The following ANXA5 variants were observed in gnomAD, a reference collection of about 807,000 sequenced individuals.
ANXA5 encodes annexin A5.
ANXA5 carries 40 observed loss-of-function variants against 48.1 expected under a neutral mutation model. The ratio of observed to expected loss-of-function variants is 0.83; its 90% CI spans 0.65 to 1.08. The LOEUF is 1.08. ANXA5 is among the 50% of genes least tolerant of loss of function. The pLI is 0.00. For missense variants in ANXA5, 357 were observed against 376.8 expected, an observed-to-expected ratio of 0.95 and a Z score of 0.44; for synonymous variants, 113 against 129.1, an observed-to-expected ratio of 0.88 and a Z score of 0.85.
chr4:121,677,333 T>C (rs1219161972), intron 8 of ANXA5, among the ~76,000 whole-genome samples: 1 of 152,196 alleles, frequency 6.6e-6, no homozygotes, highest in Non-Finnish European at 1.5e-5. Context: ...TAATAACTGT[T>C]TTATTAACCA....
chr4:121,686,276 A>C lies in ANXA5; in HGVS notation c.94+12T>G, dbSNP rs1287608529. 6.2e-7 allele frequency: 1 copy of C among 1,601,194 alleles called. No homozygotes were observed. The highest frequency in any genetic ancestry group is 1.7e-5 in the Admixed American group (1 of 59,654). On this transcript the variant is annotated intron_variant, in intron 3 of 12. Transcript: ENST00000296511. ...TATCACATTTGCTTTAGAAAGAGGA[A>C]GCTAAATTTACCCAAGCCTTTCATA... is the stretch of plus-strand genomic sequence containing the variant.
chr4:121,693,991 G>C (rs905586197), intron 2 of ANXA5, among the ~76,000 whole-genome samples: 1 of 149,972 alleles, frequency 6.7e-6, no homozygotes, highest in Non-Finnish European at 1.5e-5. Flanking sequence ...AAATATTTCT[G>C]ATCAAACCTT....
chr4:121,670,635 A>C (rs1384519022), intron 10 of ANXA5, among the ~76,000 whole-genome samples: 1 of 152,146 alleles, frequency 6.6e-6, no homozygotes, highest in East Asian at 1.9e-4. Context: ...TCTATCATGA[A>C]AATTCCTTAA....
intron 6 of ANXA5, 33 bp downstream of exon 6, chr4:121,681,638 G>A (rs1198487031): frequency 2.8e-6 from 4 of 1,442,628 alleles, no homozygotes; most frequent in African/African-American, 2.8e-5. Flanking sequence ...TGATAGTGGA[G>A]GTGAAGTCAA....
At chr4:121,694,285 A>T (rs998469742) in intron 2 of ANXA5, among the ~76,000 whole-genome samples, 13 of 150,186 alleles carry the variant, frequency 8.7e-5, no homozygotes, top group African/African-American at 2.7e-4. Flanking sequence ...ATAAAAAATA[A>T]ACAAAAAAAT....
intron 8 of ANXA5, among the ~76,000 whole-genome samples, chr4:121,677,295 C>T (rs1724714972): frequency 6.6e-6 from 1 of 152,164 alleles, no homozygotes; most frequent in Admixed American, 6.5e-5. Flanking sequence ...TTTCAGCTCT[C>T]ATGTTTCAAA....
chr4:121,668,617 T>C (rs1724560657), intron 12 of ANXA5, 90 bp from the exon 13 acceptor site: 1 of 1,084,486 alleles, frequency 9.2e-7, no homozygotes, highest in Non-Finnish European at 1.4e-6. Flanking sequence ...ATTTTATTCA[T>C]AAGACTCTTC....
At chr4:121,688,476 T>C (rs1724929149) in intron 2 of ANXA5, among the ~76,000 whole-genome samples, 1 of 152,190 alleles carries the variant, frequency 6.6e-6, no homozygotes, top group Admixed American at 6.5e-5. Flanking sequence ...GTCTTCACTG[T>C]ATTCAGAGTT....
At chr4:121,676,880 T>C (rs1024273653) in intron 8 of ANXA5, among the ~76,000 whole-genome samples, 2 of 152,098 alleles carry the variant, frequency 1.3e-5, no homozygotes, top group East Asian at 3.9e-4. Context: ...ACCCGGACTT[T>C]ATCCTGAGGG....
chr4:121,679,401 A>T (rs187370278), intron 6 of ANXA5, among the ~76,000 whole-genome samples: 2 of 152,198 alleles, frequency 1.3e-5, no homozygotes, highest in East Asian at 3.9e-4. Flanking sequence ...CTTACCTCCC[A>T]CACACATAAC....
chr4:121,691,534 C>T (rs766659313), intron 2 of ANXA5, among the ~76,000 whole-genome samples: 3 of 118,710 alleles, frequency 2.5e-5, no homozygotes, highest in South Asian at 3.4e-4. Context: ...ACTCAAATAC[C>T]GCACCCTCCC....
intron 8 of ANXA5, 21 bp from the exon 9 acceptor site, chr4:121,672,647 A>T: frequency 6.4e-7 from 1 of 1,571,144 alleles, no homozygotes; most frequent in Non-Finnish European, 8.8e-7. Flanking sequence ...TTCAAACTCA[A>T]TTAATAAATT....
chr4:121,684,436 T>C (rs1050475048), intron 4 of ANXA5, among the ~76,000 whole-genome samples: 15 of 152,288 alleles, frequency 9.8e-5, no homozygotes, highest in East Asian at 7.7e-4. Context: ...CAGTTCTCAC[T>C]ACAGGATCTT....
At chr4:121,669,782 C>G in intron 11 of ANXA5, 58 bp from the exon 12 acceptor site, 1 of 1,564,192 alleles carries the variant, frequency 6.4e-7, no homozygotes, top group East Asian at 2.2e-5. Context: ...AACATAGGAT[C>G]AAATGCTCCC....
chr4:121,687,637 T>C (rs1329530587), intron 2 of ANXA5, among the ~76,000 whole-genome samples: 2 of 152,170 alleles, frequency 1.3e-5, no homozygotes, highest in Non-Finnish European at 2.9e-5. Context: ...CTAATCAAAT[T>C]TTAAAAGATG....
At chr4:121,689,529 A>T (rs188538904) in intron 2 of ANXA5, among the ~76,000 whole-genome samples, 169 of 152,342 alleles carry the variant, frequency 1.1e-3, no homozygotes, top group African/African-American at 4.0e-3. Context: ...TCGGAAAAAA[A>T]TTCCAAACAG....
intron 2 of ANXA5, among the ~76,000 whole-genome samples, chr4:121,690,082 C>A (rs1465254528): frequency 6.6e-6 from 1 of 152,198 alleles, no homozygotes; most frequent in African/African-American, 2.4e-5. Context: ...ATCAGAGTGG[C>A]AGCTAGTATC....
intron 3 of ANXA5, among the ~76,000 whole-genome samples, chr4:121,685,784 C>T (rs1470879913): frequency 6.6e-6 from 1 of 152,190 alleles, no homozygotes. Flanking sequence ...AGCTGCACAG[C>T]TGCCCACCTG....
chr4:121,671,691 CA>C, intron 9 of ANXA5, 49 bp from the exon 10 acceptor site: 1 of 1,279,886 alleles, frequency 7.8e-7, no homozygotes, highest in Non-Finnish European at 1.1e-6. Flanking sequence ...TCACTCTTTC[CA>C]GAAAGATGGT....
Sources: allele counts gnomAD v4.1 joint callset (sites outside exome capture counted in the v4.1 genomes callset), GRCh38; gene constraint gnomAD v4.1.1; transcripts MANE v1.5; gene names NCBI Gene and HGNC (gene_info 2026-07-23, HGNC 2026-07-21).